The following NME7 variants were observed in gnomAD, a reference collection of about 807,000 sequenced individuals.
The protein encoded by NME7 is NME/NM23 family member 7.
Under a neutral mutation model 49.1 loss-of-function variants are expected in NME7, and 41 were observed. The observed-to-expected ratio is 0.83, with a 90% CI of 0.65 to 1.08. NME7 has a LOEUF of 1.08. NME7 is among the 50% of genes least tolerant of loss of function. The probability of loss-of-function intolerance (pLI) is 0.00; values close to 1 mark genes in which losing one functional copy is unlikely to be tolerated. For missense variants in NME7, 423 were observed against 463.4 expected (o/e 0.91, Z 0.80); for synonymous variants, 139 against 150.6 (o/e 0.92, Z 0.56).
intron 7 of NME7, among the ~76,000 whole-genome samples, chr1:169,249,531 GGTGAAAGTGGCATC>G (rs1648472732): frequency 6.6e-6 from 1 of 152,058 alleles, no homozygotes; most frequent in Admixed American, 6.6e-5. Context: ...GAATAGAAGT[GGTGAAAGTGGCATC>G]CTTGTCTTGT....
intron 6 of NME7, among the ~76,000 whole-genome samples, chr1:169,292,450 A>T (rs1650543072): frequency 6.6e-6 from 1 of 152,184 alleles, no homozygotes; most frequent in Non-Finnish European, 1.5e-5. Flanking sequence ...TTGTATGCAT[A>T]ATATAAAGAA....
intron 10 of NME7, among the ~76,000 whole-genome samples, chr1:169,214,827 G>T (rs1441100309): frequency 6.6e-6 from 1 of 152,220 alleles, no homozygotes; most frequent in East Asian, 1.9e-4. Context: ...GCATCCAAGT[G>T]GGGGTGCCTG....
chr1:169,173,446 A>G (rs978476530), intron 10 of NME7, among the ~76,000 whole-genome samples: 2 of 152,100 alleles, frequency 1.3e-5, no homozygotes, highest in Non-Finnish European at 2.9e-5. Flanking sequence ...CTGATATAAA[A>G]TGTTTTATTT....
At chr1:169,338,296 G>A (rs1376042917) in intron 1 of NME7, among the ~76,000 whole-genome samples, 1 of 152,070 alleles carries the variant, frequency 6.6e-6, no homozygotes, top group African/African-American at 2.4e-5. Flanking sequence ...CAATATCTCA[G>A]AAATAGAATG....
intron 6 of NME7, among the ~76,000 whole-genome samples, chr1:169,296,473 C>G (rs1167145449): frequency 2.6e-5 from 4 of 151,910 alleles, no homozygotes; most frequent in Non-Finnish European, 4.4e-5. Flanking sequence ...TTCTCCTTAC[C>G]TTTTATCAAG....
chr1:169,357,878 T>C (rs1322806272), intron 1 of NME7, among the ~76,000 whole-genome samples: 2 of 152,088 alleles, frequency 1.3e-5, no homozygotes, highest in Non-Finnish European at 2.9e-5. Flanking sequence ...TCCATTTAAA[T>C]TGAGTAGATA....
intron 3 of NME7, among the ~76,000 whole-genome samples, chr1:169,320,001 A>C (rs1233970314): frequency 6.6e-6 from 1 of 152,148 alleles, no homozygotes; most frequent in Admixed American, 6.5e-5. Context: ...TTAATACCTC[A>C]CTTATCACAT....
intron 7 of NME7, among the ~76,000 whole-genome samples, chr1:169,251,562 T>TTTTTTTTTTTTTTTTC (rs1648614833): frequency 8.9e-6 from 1 of 112,294 alleles, no homozygotes; most frequent in African/African-American, 3.0e-5. Flanking sequence ...TTTTTTTTTC[T>TTTTTTTTTTTTTTTTC]TTTTTTTTTT....
intron 11 of NME7, among the ~76,000 whole-genome samples, chr1:169,168,207 G>A (rs1659469248): frequency 6.6e-6 from 1 of 152,118 alleles, no homozygotes; most frequent in South Asian, 2.1e-4. Flanking sequence ...CAAGTCACCT[G>A]CTTGGCCCTC....
intron 11 of NME7, among the ~76,000 whole-genome samples, chr1:169,168,451 C>T (rs12072226): frequency 0.36 from 54,030 of 151,774 alleles, 10,360 homozygotes; most frequent in East Asian, 0.73. Flanking sequence ...GGCAAAGTCT[C>T]GCTATGATGT....
At chr1:169,342,423 CG>C (rs1475681382) in intron 1 of NME7, among the ~76,000 whole-genome samples, 1 of 149,694 alleles carries the variant, frequency 6.7e-6, no homozygotes. Context: ...CCCAGTCTCA[CG>C]TAGTACCTTT....
chr1:169,142,313 A>G (rs985752366), intron 11 of NME7, among the ~76,000 whole-genome samples: 17 of 152,216 alleles, frequency 1.1e-4, no homozygotes, highest in Non-Finnish European at 1.9e-4. Flanking sequence ...GCTGATTTTG[A>G]AATAGAAATG....
At chr1:169,360,436 A>C (rs1413504094) in intron 1 of NME7, among the ~76,000 whole-genome samples, 1 of 152,248 alleles carries the variant, frequency 6.6e-6, no homozygotes, top group African/African-American at 2.4e-5. Context: ...TTTTGATGGA[A>C]TAGGTAAAAT....
At chr1:169,164,109 CAAAAAAAA>C (rs34543492) in intron 11 of NME7, among the ~76,000 whole-genome samples, 1 of 125,250 alleles carries the variant, frequency 8.0e-6, no homozygotes, top group African/African-American at 3.0e-5. Context: ...GACTCTGTCT[CAAAAAAAA>C]AAAAAAAAAA....
intron 1 of NME7, among the ~76,000 whole-genome samples, chr1:169,360,756 C>G (rs1653623522): frequency 1.3e-5 from 2 of 152,222 alleles, no homozygotes; most frequent in Non-Finnish European, 2.9e-5. Flanking sequence ...CTCAAGGCTA[C>G]TTGCTCTTGG....
chr1:169,253,284 T>G lies in NME7; in HGVS notation c.755-15597A>C, dbSNP rs1469955780. The stretch of plus-strand genomic sequence containing the variant: ...CCTTGAAGAGGTCCTTCACATCCCT[T>G]GTAAGTTGGATTCCTAGGTATTTTA... On this transcript the variant is annotated intron_variant, in intron 7 of 11. Transcript: ENST00000367811. 2.0e-5 allele frequency among the ~76,000 whole-genome samples: 3 copies of G among 147,934 alleles called. No individual in the cohort carries two copies. The East Asian group carries it at 6.0e-4, about 29-fold the overall frequency.
At chr1:169,285,483 G>A (rs1380285680) in intron 7 of NME7, 1 of 152,044 alleles carries the variant, frequency 6.6e-6, no homozygotes, top group African/African-American at 2.4e-5. Context: ...TACTAATCAT[G>A]TGCCATGTGA....
intron 11 of NME7, among the ~76,000 whole-genome samples, chr1:169,149,049 G>C (rs1380514939): frequency 6.6e-6 from 1 of 152,164 alleles, no homozygotes. Flanking sequence ...TTAGTTTTAA[G>C]TAATATTTAA....
At chr1:169,346,774 T>A (rs1257427841) in intron 1 of NME7, among the ~76,000 whole-genome samples, 1 of 152,260 alleles carries the variant, frequency 6.6e-6, no homozygotes, top group Non-Finnish European at 1.5e-5. Context: ...ATATATCAGA[T>A]ATCTATTAAG....
Sources: allele counts gnomAD v4.1 joint callset (sites outside exome capture counted in the v4.1 genomes callset), GRCh38; gene constraint gnomAD v4.1.1; transcripts MANE v1.5; gene names NCBI Gene and HGNC (gene_info 2026-07-23, HGNC 2026-07-21).